Variants in STPG2 observed in about 807,000 individuals in gnomAD.
The protein encoded by STPG2 is sperm-tail PG-rich repeat-containing protein 2.
STPG2 carries 56 observed loss-of-function variants against 54.2 expected under a neutral mutation model. The ratio of observed to expected loss-of-function variants is 1.03; its 90% CI spans 0.83 to 1.29. The LOEUF (loss-of-function observed/expected upper bound fraction) is 1.29. Among genes scored for constraint, STPG2 ranks in the 50% most tolerant of loss-of-function variants. The pLI is 0.00. For synonymous variants in STPG2, 200 were observed against 181.8 expected (o/e 1.10, Z -0.81); for missense variants, 596 against 544.9 (o/e 1.09, Z -0.93).
At chr4:97,925,835 C>T (rs1035888664) in intron 8 of STPG2, among the ~76,000 whole-genome samples, 1 of 152,154 alleles carries the variant, frequency 6.6e-6, no homozygotes, top group African/African-American at 2.4e-5. Context: ...TGACCTGTGA[C>T]ACCTCTTCAG....
intron 10 of STPG2, among the ~76,000 whole-genome samples, chr4:97,683,655 A>G (rs1251303396): frequency 6.6e-6 from 1 of 151,852 alleles, no homozygotes; most frequent in African/African-American, 2.4e-5. Flanking sequence ...AACCAAAGAT[A>G]GCCTCATACT....
chr4:97,598,555 T>TAA (rs35374576), intron 10 of STPG2, among the ~76,000 whole-genome samples: 15,711 of 137,714 alleles, frequency 0.11, 2,478 homozygotes, highest in African/African-American at 0.36. Flanking sequence ...ATGGTACTGG[T>TAA]AAAAAAAAAA....
intron 10 of STPG2, among the ~76,000 whole-genome samples, chr4:97,584,736 A>G (rs1732948853): frequency 6.6e-6 from 1 of 151,874 alleles, no homozygotes. Flanking sequence ...ATTCAAGGCT[A>G]CTATGAAGAC....
chr4:97,762,671 A>G (rs1396081074), intron 9 of STPG2, among the ~76,000 whole-genome samples: 1 of 152,184 alleles, frequency 6.6e-6, no homozygotes, highest in Non-Finnish European at 1.5e-5. Flanking sequence ...TTTGGAAAGT[A>G]TTCCACACTA....
At chr4:97,923,669 T>C (rs1468038738) in intron 8 of STPG2, among the ~76,000 whole-genome samples, 3 of 152,072 alleles carry the variant, frequency 2.0e-5, no homozygotes, top group Non-Finnish European at 4.4e-5. Context: ...ACTTGGAGAA[T>C]CTTTTTGTCT....
chr4:97,469,791 A>G (rs911021516), intron 4 of STPG2, among the ~76,000 whole-genome samples: 1 of 152,024 alleles, frequency 6.6e-6, no homozygotes, highest in Non-Finnish European at 1.5e-5. Context: ...ACTAAAACAT[A>G]GAGGCAGAAA....
rs1291658087 is a variant in STPG2 at position 98,128,450 on chromosome 4, G to A, written c.365C>T (p.Pro122Leu). 3 of 1,609,860 alleles carry A rather than the reference G, an allele frequency of 1.9e-6. 1 individual carries two copies. The highest frequency in any genetic ancestry group is 2.2e-5 in the South Asian group (2 of 89,810). The part of the protein sequence containing the change: ...FPPACDSTLG[P>L]AYYKPQFDVS... ...TACAAATTGAGGTTTGTAGTATGCT[G>A]GACCAAGTGTACTGTCACAAGCAGG... Residue 122 changes from proline (P) to leucine (L), a missense_variant, in exon 3 of 11, where the codon CCA (proline) becomes CTA (leucine). Coordinates refer to ENST00000295268, the MANE Select transcript of STPG2 (RefSeq NM_174952.3).
chr4:97,745,400 C>T (rs1172367305), intron 9 of STPG2, among the ~76,000 whole-genome samples: 2 of 151,028 alleles, frequency 1.3e-5, no homozygotes, highest in Non-Finnish European at 3.0e-5. Context: ...AATCTCTCTA[C>T]AGAAGATAGC....
At chr4:97,747,671 A>G (rs944418250) in intron 9 of STPG2, among the ~76,000 whole-genome samples, 2 of 151,424 alleles carry the variant, frequency 1.3e-5, no homozygotes, top group Admixed American at 6.6e-5. Context: ...AGGATTTCAT[A>G]AAGCTCATAT....
chr4:97,781,825 A>C lies in STPG2; in HGVS notation c.1204+58948T>G, dbSNP rs555239408. Among the ~76,000 whole-genome samples the C allele has an allele frequency of 4.1e-4, 63 of 152,244 alleles. 1 individual carries two copies. The highest frequency in any genetic ancestry group is 1.4e-3 in the East Asian group (7 of 5,172). ...TCCAGCATATAAACAGAACCAAAGA[A>C]AAAAACCACAGGATTATCTCAATAG... On this transcript the variant is annotated intron_variant, in intron 9 of 10. Coordinates refer to ENST00000295268, the MANE Select transcript of STPG2 (RefSeq NM_174952.3).
At position 97,452,307 on chromosome 4, in the gene STPG2, TCAGGTGGAGCCTGGGCACCATAAAGGA is replaced by T. The variant is rs1729398205; in HGVS notation, c.462+260365_462+260391del. Among the ~76,000 whole-genome samples, 19 of 152,010 alleles carry T rather than the reference TCAGGTGGAGCCTGGGCACCATAAAGGA, an allele frequency of 1.2e-4. No homozygotes were observed. The South Asian group carries it at 4.0e-3, about 32-fold the overall frequency. ...CACCTTCTCCAATTTTGGAGCAAAG[TCAGGTGGAGCCTGGGCACCATAAAGGA>T]CAGGTGGAGACAGACAGATTCCTGG... On this transcript the variant is annotated intron_variant, in intron 4 of 4. Transcript: ENST00000522676.
At chr4:97,445,341 A>T (rs1433685510) in intron 4 of STPG2, among the ~76,000 whole-genome samples, 1 of 152,182 alleles carries the variant, frequency 6.6e-6, no homozygotes, top group Non-Finnish European at 1.5e-5. Flanking sequence ...TCTACTGATG[A>T]ATTAACTATT....
At chr4:97,547,607 G>A (rs926555386) in intron 4 of STPG2, among the ~76,000 whole-genome samples, 3 of 152,340 alleles carry the variant, frequency 2.0e-5, no homozygotes, top group East Asian at 3.9e-4. Context: ...GGTGGGTGAT[G>A]CGGAGAAAGA....
At chr4:98,088,612 C>A (rs1025638425) in intron 5 of STPG2, among the ~76,000 whole-genome samples, 5 of 142,082 alleles carry the variant, frequency 3.5e-5, no homozygotes, top group Non-Finnish European at 7.5e-5. Flanking sequence ...AATTAGCAAA[C>A]GGTAAATAAT....
chr4:97,542,167 T>G (rs936417842), intron 4 of STPG2, among the ~76,000 whole-genome samples: 1 of 152,126 alleles, frequency 6.6e-6, no homozygotes, highest in Non-Finnish European at 1.5e-5. Context: ...AAAACTACCA[T>G]GAGAGTGAAC....
chr4:98,046,030 A>C (rs1264168841), intron 5 of STPG2, among the ~76,000 whole-genome samples: 2 of 149,762 alleles, frequency 1.3e-5, no homozygotes, highest in African/African-American at 4.9e-5. Context: ...CCCTTAAGTG[A>C]TCTTCATAGT....
At chr4:97,542,939 A>G (rs1235515653) in intron 4 of STPG2, among the ~76,000 whole-genome samples, 3 of 152,066 alleles carry the variant, frequency 2.0e-5, no homozygotes, top group African/African-American at 4.8e-5. Flanking sequence ...ACACTTGGAC[A>G]CAGGAAGGGG....
intron 9 of STPG2, among the ~76,000 whole-genome samples, chr4:97,788,258 C>T (rs986995782): frequency 2.6e-5 from 4 of 151,976 alleles, no homozygotes; most frequent in Non-Finnish European, 5.9e-5. Context: ...AACCATCATT[C>T]TACTCTCTAT....
chr4:97,501,399 G>C (rs934007634), intron 4 of STPG2, among the ~76,000 whole-genome samples: 12 of 151,846 alleles, frequency 7.9e-5, no homozygotes, highest in African/African-American at 2.9e-4. Context: ...GTTAGAGGTG[G>C]AAGAGAAAAA....
Sources: allele counts gnomAD v4.1 joint callset (sites outside exome capture counted in the v4.1 genomes callset), GRCh38; gene constraint gnomAD v4.1.1; transcripts MANE v1.5; gene names NCBI Gene and HGNC (gene_info 2026-07-23, HGNC 2026-07-21).